Variants in PRELID2 observed in about 807,000 individuals in gnomAD.
PRELID2 encodes the protein PRELI domain containing 2.
In PRELID2, 25 loss-of-function variants were observed where a neutral mutation model predicts 28.4. That is an observed-to-expected ratio of 0.88 (90% CI 0.64 to 1.23). The LOEUF (loss-of-function observed/expected upper bound fraction) is 1.23. Ranked by LOEUF, PRELID2 falls within the 50% of genes most tolerant of loss-of-function variation. The pLI, the probability that PRELID2 is intolerant of heterozygous loss-of-function variation, is 0.00. For missense variants in PRELID2, 201 were observed against 214.4 expected, an observed-to-expected ratio of 0.94 and a Z score of 0.39; for synonymous variants, 76 against 71.6, an observed-to-expected ratio of 1.06 and a Z score of -0.31.
chr5:145,354,807 G>T, the PRELID2 span, among the ~76,000 whole-genome samples: 1 of 152,148 alleles, frequency 6.6e-6, no homozygotes, highest in Admixed American at 6.5e-5. Context: ...TTTTCATTAT[G>T]CCACTTAGGG....
At chr5:145,336,109 C>T in the PRELID2 span, among the ~76,000 whole-genome samples, 1 of 152,108 alleles carries the variant, frequency 6.6e-6, no homozygotes, top group Non-Finnish European at 1.5e-5. Flanking sequence ...TGCCCACTTT[C>T]TGATGGGGTT....
chr5:145,285,861 T>A, the PRELID2 span, among the ~76,000 whole-genome samples: 1 of 152,260 alleles, frequency 6.6e-6, no homozygotes, highest in Non-Finnish European at 1.5e-5. Flanking sequence ...TCTATGACAG[T>A]GTTAAGTAAA....
At chr5:145,777,529 T>C (rs1758485900) in intron 5 of PRELID2, among the ~76,000 whole-genome samples, 1 of 152,160 alleles carries the variant, frequency 6.6e-6, no homozygotes, top group Non-Finnish European at 1.5e-5. Flanking sequence ...TCCTCAACTA[T>C]AAAATGGTAA....
intron 1 of PRELID2, among the ~76,000 whole-genome samples, chr5:145,657,213 T>C (rs1489430538): frequency 6.6e-6 from 1 of 152,208 alleles, no homozygotes; most frequent in Non-Finnish European, 1.5e-5. Flanking sequence ...TTAGTGTTAG[T>C]TTAAGGATTC....
chr5:145,269,205 A>G, the PRELID2 span, among the ~76,000 whole-genome samples: 2 of 152,112 alleles, frequency 1.3e-5, no homozygotes, highest in African/African-American at 2.4e-5. Flanking sequence ...GCAAAAAACT[A>G]TAGTAGTCCA....
At chr5:145,384,197 T>C in the PRELID2 span, among the ~76,000 whole-genome samples, 11 of 152,190 alleles carry the variant, frequency 7.2e-5, no homozygotes, top group Admixed American at 2.0e-4. Flanking sequence ...GGGCATTTCA[T>C]ACTTCGCTAA....
chr5:145,290,806 A>G, the PRELID2 span, among the ~76,000 whole-genome samples: 38 of 149,374 alleles, frequency 2.5e-4, no homozygotes, highest in African/African-American at 9.0e-4. Context: ...GTAATCAGAT[A>G]TGTGTTTTGT....
the PRELID2 span, among the ~76,000 whole-genome samples, chr5:145,311,103 G>A: frequency 6.6e-6 from 1 of 152,132 alleles, no homozygotes; most frequent in African/African-American, 2.4e-5. Context: ...AAATCTCAGT[G>A]GTTTGCAGAA....
At chr5:145,377,528 C>T in the PRELID2 span, among the ~76,000 whole-genome samples, 3 of 152,276 alleles carry the variant, frequency 2.0e-5, no homozygotes, top group East Asian at 5.8e-4. Flanking sequence ...TAAGAACTTG[C>T]TTTATGAATC....
rs146488943 is a variant in PRELID2, at chr5:145,830,820, T to C, written c.75+4357A>G. On this transcript the variant is annotated intron_variant, in intron 1 of 6. Coordinates refer to ENST00000683046, the MANE Select transcript of PRELID2 (RefSeq NM_205846.3). Reference sequence around the variant, plus strand: ...TGCAGCTAATATTTTGCCTGTGGTATTCAACAGGCAGATGTAAGAAGAGCA... The same window carrying C: ...TGCAGCTAATATTTTGCCTGTGGTACTCAACAGGCAGATGTAAGAAGAGCA... Among the ~76,000 whole-genome samples, 1,478 of 152,322 alleles carry C rather than the reference T, an allele frequency of 9.7e-3. 17 individuals are homozygous for C. The highest frequency in any genetic ancestry group is 0.033 in the African/African-American group (1,365 of 41,578).
intron 1 of PRELID2, among the ~76,000 whole-genome samples, chr5:145,671,783 A>G (rs1754712056): frequency 2.0e-5 from 3 of 152,200 alleles, no homozygotes; most frequent in Admixed American, 6.6e-5. Context: ...CCTATTCTCC[A>G]TGCTGGACTT....
At chr5:145,397,631 G>C in the PRELID2 span, among the ~76,000 whole-genome samples, 1 of 152,182 alleles carries the variant, frequency 6.6e-6, no homozygotes, top group African/African-American at 2.4e-5. Context: ...CATCTACAAA[G>C]CTCTGCAGGG....
the PRELID2 span, among the ~76,000 whole-genome samples, chr5:145,452,270 A>C: frequency 6.6e-6 from 1 of 152,118 alleles, no homozygotes; most frequent in Non-Finnish European, 1.5e-5. Flanking sequence ...GCTCATTAGC[A>C]TAGTTTTATA....
chr5:145,680,589 G>A (rs1005765796), intron 1 of PRELID2, among the ~76,000 whole-genome samples: 1 of 152,172 alleles, frequency 6.6e-6, no homozygotes, highest in Non-Finnish European at 1.5e-5. Flanking sequence ...TGTTAATAGG[G>A]AAAAGTAGAC....
chr5:145,447,659 C>A, the PRELID2 span, among the ~76,000 whole-genome samples: 11 of 110,752 alleles, frequency 9.9e-5, no homozygotes, highest in South Asian at 1.1e-3. Flanking sequence ...GTGTGATATT[C>A]CCCTTCCTGT....
intron 1 of PRELID2, among the ~76,000 whole-genome samples, chr5:145,510,929 A>C (rs761387540): frequency 1.3e-5 from 2 of 152,194 alleles, no homozygotes; most frequent in Non-Finnish European, 2.9e-5. Flanking sequence ...CAGCATCTCT[A>C]CATGAAATAT....
intron 1 of PRELID2, among the ~76,000 whole-genome samples, chr5:145,481,283 CT>C (rs1752156909): frequency 2.0e-5 from 3 of 151,878 alleles, no homozygotes; most frequent in Admixed American, 2.0e-4. Context: ...TTTTTCCTAC[CT>C]TTTTTCTTTT....
the PRELID2 span, among the ~76,000 whole-genome samples, chr5:145,401,290 G>T: frequency 1.3e-5 from 2 of 151,944 alleles, no homozygotes; most frequent in Admixed American, 1.3e-4. Flanking sequence ...AATAAAGAGG[G>T]TAGATCTCAT....
At chr5:145,292,359 T>C in the PRELID2 span, among the ~76,000 whole-genome samples, 2 of 152,154 alleles carry the variant, frequency 1.3e-5, no homozygotes. Context: ...GGCTGACTTA[T>C]TTTATGACTT....
Sources: gnomAD v4.1 joint callset for allele counts (sites outside exome capture counted in the v4.1 genomes callset) on GRCh38, gnomAD v4.1.1 for gene constraint, MANE v1.5 for transcripts, NCBI Gene and HGNC (gene_info 2026-07-23, HGNC 2026-07-21) for gene names.